HORMAD1: variants seen among roughly 807,000 people sequenced by gnomAD.
The protein encoded by HORMAD1 is HORMA domain containing 1, also known as HORMA domain-containing protein 1.
In HORMAD1, 33 loss-of-function variants were observed where a neutral mutation model predicts 58.2. The observed-to-expected ratio is 0.57, with a 90% CI of 0.43 to 0.76. The LOEUF (loss-of-function observed/expected upper bound fraction) is 0.76. Ranked by LOEUF, HORMAD1 falls within the 30% of genes least tolerant of loss-of-function variation. HORMAD1 has a pLI of 0.00. For synonymous variants in HORMAD1, 137 were observed against 144.6 expected, an observed-to-expected ratio of 0.95 and a Z score of 0.38; for missense variants, 363 against 462.0, an observed-to-expected ratio of 0.79 and a Z score of 1.96.
At chr1:150,708,583 AAAT>A (rs1190293001) in intron 8 of HORMAD1, among the ~76,000 whole-genome samples, 176 bp from the exon 9 acceptor site, 3 of 152,210 alleles carry the variant, frequency 2.0e-5, no homozygotes, top group Non-Finnish European at 2.9e-5. Context: ...TATCTGCTAG[AAAT>A]AATAACTTAA....
At chr1:150,717,703 C>G (rs1037168505) in intron 2 of HORMAD1, among the ~76,000 whole-genome samples, 1 of 151,998 alleles carries the variant, frequency 6.6e-6, no homozygotes, top group Non-Finnish European at 1.5e-5. Flanking sequence ...GAGGCTGAGG[C>G]GGGTGGATCA....
At chr1:150,719,348 T>C in intron 2 of HORMAD1, 125 bp downstream of exon 2, 1 of 649,170 alleles carries the variant, frequency 1.5e-6, no homozygotes, top group Non-Finnish European at 2.7e-6. Context: ...TCTTAAAACA[T>C]GCAGTTTCCT....
intron 12 of HORMAD1, 150 bp downstream of exon 12, chr1:150,703,968 A>G (rs1651609415): frequency 1.2e-5 from 7 of 572,436 alleles, no homozygotes; most frequent in Non-Finnish European, 1.5e-5. Context: ...TCAACATATA[A>G]TTTCCAGATT....
intron 8 of HORMAD1, 52 bp from the exon 9 acceptor site, chr1:150,708,459 A>C (rs1651764161): frequency 8.4e-7 from 1 of 1,196,186 alleles, no homozygotes; most frequent in Non-Finnish European, 1.2e-6. Flanking sequence ...GGCTTCTAAT[A>C]TCATAACTTT....
At position 150,718,335 on chromosome 1, in the gene HORMAD1, GC is replaced by G. The variant is rs587675386; in HGVS notation, c.34-1054del. ...GAGACTACAGGCGTTGCACCACCAT[GC>G]CTGGCTAATTTTTTTTTTTTTTTTT... On this transcript the variant is annotated intron_variant, in intron 2 of 14. Coordinates refer to ENST00000361824, the MANE Select transcript of HORMAD1 (RefSeq NM_032132.5). 1.1e-3 allele frequency among the ~76,000 whole-genome samples: 159 copies of G among 145,438 alleles called. 2 individuals carry two copies. The South Asian group carries it at 0.035, about 32-fold the overall frequency.
At chr1:150,698,876 T>G in intron 14 of HORMAD1, 142 bp from the exon 15 acceptor site, 9 of 505,750 alleles carry the variant, frequency 1.8e-5, no homozygotes, top group Non-Finnish European at 3.6e-6. Context: ...TATCTGGGTT[T>G]CTTAAAAGTA....
intron 14 of HORMAD1, 101 bp downstream of exon 14, chr1:150,700,011 A>G (rs1435349329): frequency 1.4e-5 from 8 of 579,156 alleles, no homozygotes; most frequent in Non-Finnish European, 2.4e-5. Context: ...ACTCTCAGGT[A>G]CATCGAAAGA....
intron 5 of HORMAD1, 31 bp from the exon 6 acceptor site, chr1:150,711,884 T>C: frequency 6.9e-7 from 1 of 1,441,704 alleles, no homozygotes; most frequent in Non-Finnish European, 9.7e-7. Context: ...AAAATCTTAC[T>C]TGTAGTCTAT....
At chr1:150,708,146 T>C in intron 9 of HORMAD1, 110 bp downstream of exon 9, 2 of 805,020 alleles carry the variant, frequency 2.5e-6, no homozygotes, top group Non-Finnish European at 3.7e-6. Flanking sequence ...AGTGTAAATT[T>C]TATAATTTCA....
chr1:150,700,389 T>C (rs1007044827), intron 13 of HORMAD1, among the ~76,000 whole-genome samples: 1 of 152,184 alleles, frequency 6.6e-6, no homozygotes, highest in East Asian at 1.9e-4. Context: ...GGGATCCTCC[T>C]GCCTCAGCCT....
chr1:150,708,710 T>C (rs1293193336), intron 8 of HORMAD1, among the ~76,000 whole-genome samples, 184 bp downstream of exon 8: 1 of 152,254 alleles, frequency 6.6e-6, no homozygotes, highest in Non-Finnish European at 1.5e-5. Context: ...AAATTGCTTA[T>C]TATTAGCCAC....
At chr1:150,714,165 C>A in intron 4 of HORMAD1, 44 bp from the exon 5 acceptor site, 1 of 1,149,002 alleles carries the variant, frequency 8.7e-7, no homozygotes, top group Non-Finnish European at 1.3e-6. Flanking sequence ...GAATGCATTT[C>A]CAGAAAATAG....
intron 3 of HORMAD1, 117 bp from the exon 4 acceptor site, chr1:150,714,795 T>C: frequency 2.4e-6 from 1 of 418,362 alleles, no homozygotes; most frequent in Non-Finnish European, 4.2e-6. Flanking sequence ...TTATAATTAT[T>C]ATTATTTTGA....
chr1:150,715,678 C>T (rs920697846), intron 3 of HORMAD1, among the ~76,000 whole-genome samples: 1 of 151,976 alleles, frequency 6.6e-6, no homozygotes, highest in African/African-American at 2.4e-5. Context: ...ATCCTCCTGC[C>T]TCAGCCTCCC....
chr1:150,709,691 T>A (rs1404005424), intron 7 of HORMAD1, among the ~76,000 whole-genome samples: 1 of 151,776 alleles, frequency 6.6e-6, no homozygotes, highest in Non-Finnish European at 1.5e-5. Context: ...GCAGTTGAGA[T>A]AGAGGAAGGC....
rs752800084 is a variant in HORMAD1, at chr1:150,716,150, C to CTT, written c.178+986_178+987dup. Among the ~76,000 whole-genome samples the CTT allele has an allele frequency of 9.4e-3, 648 of 68,794 alleles. 101 individuals carry two copies. Among genetic ancestry groups the CTT allele is most frequent in the African/African-American group, 0.024 (361 of 14,892 alleles). The allele number at this position is 68,794 out of a possible 152,430, so 45.1% of individuals were successfully genotyped here. A position where few individuals can be genotyped will look rare whatever the true frequency, so the allele number is the denominator to read the frequency against. On this transcript the variant is annotated intron_variant, in intron 3 of 14. Coordinates refer to ENST00000361824, the MANE Select transcript of HORMAD1 (RefSeq NM_032132.5). ...AGTGAAAGCCAGTCACAAAGGACCA[C>CTT]TTTTTTTTTTTTTTTTTTTTTTTTT...
chr1:150,712,942 C>A (rs1651946458), intron 5 of HORMAD1, among the ~76,000 whole-genome samples: 1 of 152,202 alleles, frequency 6.6e-6, no homozygotes, highest in African/African-American at 2.4e-5. Flanking sequence ...ACTGAGTGCT[C>A]TGGCCCTGCT....
intron 1 of HORMAD1, 62 bp from the exon 2 acceptor site, chr1:150,719,600 AC>A: frequency 1.3e-6 from 1 of 749,732 alleles, no homozygotes; most frequent in Non-Finnish European, 2.2e-6. Flanking sequence ...ATTTCAGTTT[AC>A]CACATATAAA....
Position 150,714,641 on chromosome 1 carries a change from G to GGGTTGTT in HORMAD1, c.215_216insAACAACC (p.Cys72Ter). On this transcript the variant is annotated stop_gained and frameshift_variant, in exon 4 of 15. Coordinates refer to ENST00000361824, the MANE Select transcript of HORMAD1 (RefSeq NM_032132.5). LOFTEE classifies it high-confidence loss of function. The stretch of plus-strand genomic sequence containing the variant: ...ATTTCACTAACTGTGTAGATCCTGG[G>GGGTTGTT]CAATTTTTATCTTCTCTCAGTATTT... 7.2e-7 allele frequency: 1 copy of GGGTTGTT among 1,384,534 alleles called. No individual in the cohort carries two copies. Among genetic ancestry groups the GGGTTGTT allele is most frequent in the South Asian group, 1.5e-5 (1 of 65,656 alleles). 85.8% of individuals were successfully genotyped at this position (1,384,534 alleles called of 1,614,324 possible).
Sources: gnomAD v4.1 joint callset for allele counts (sites outside exome capture counted in the v4.1 genomes callset) on GRCh38, gnomAD v4.1.1 for gene constraint, MANE v1.5 for transcripts, NCBI Gene and HGNC (gene_info 2026-07-23, HGNC 2026-07-21) for gene names.